CCDC171: variants seen among roughly 807,000 people sequenced by gnomAD.
The protein encoded by CCDC171 is coiled-coil domain-containing protein 171.
In CCDC171, 177 loss-of-function variants were observed where a neutral mutation model predicts 168.2. That is an observed-to-expected ratio of 1.05 (90% CI 0.93 to 1.19). CCDC171 has a LOEUF of 1.19. Ranked by LOEUF, CCDC171 falls within the 50% of genes most tolerant of loss-of-function variation. CCDC171 has a pLI of 0.00. For missense variants in CCDC171, 1,991 were observed against 1,539.0 expected (o/e 1.29, Z -4.91); for synonymous variants, 687 against 540.8 (o/e 1.27, Z -3.75).
chr9:15,610,950 C>T (rs886217396), intron 6 of CCDC171, among the ~76,000 whole-genome samples: 3 of 152,060 alleles, frequency 2.0e-5, no homozygotes, highest in African/African-American at 7.2e-5. Context: ...TGTGTCTCTG[C>T]CCAAATCTCA....
chr9:15,577,367 AT>A (rs2040753347), intron 3 of CCDC171, among the ~76,000 whole-genome samples: 1 of 152,180 alleles, frequency 6.6e-6, no homozygotes, highest in South Asian at 2.1e-4. Context: ...CAATACTGGC[AT>A]CATAGTTAAG....
At chr9:15,569,187 T>A (rs2039999120) in intron 2 of CCDC171, among the ~76,000 whole-genome samples, 1 of 152,256 alleles carries the variant, frequency 6.6e-6, no homozygotes, top group Non-Finnish European at 1.5e-5. Flanking sequence ...GGAATCCGCC[T>A]ATTTCCATGG....
chr9:15,609,958 C>G (rs565520678), intron 6 of CCDC171, among the ~76,000 whole-genome samples: 3 of 152,054 alleles, frequency 2.0e-5, no homozygotes, highest in Non-Finnish European at 4.4e-5. Context: ...CTTATCTCTT[C>G]TATTTTCCAT....
At chr9:15,598,710 C>G (rs963765295) in intron 6 of CCDC171, among the ~76,000 whole-genome samples, 8 of 152,104 alleles carry the variant, frequency 5.3e-5, no homozygotes, top group South Asian at 4.1e-4. Flanking sequence ...TCCTTGTTAA[C>G]TTTCTGTCTC....
At chr9:15,715,057 C>T (rs1304997748) in intron 11 of CCDC171, among the ~76,000 whole-genome samples, 2 of 152,184 alleles carry the variant, frequency 1.3e-5, no homozygotes, top group South Asian at 2.1e-4. Flanking sequence ...ATTCAGGGAA[C>T]CCATTTTGAT....
At chr9:15,657,887 G>C (rs908204696) in intron 8 of CCDC171, among the ~76,000 whole-genome samples, 2 of 152,128 alleles carry the variant, frequency 1.3e-5, no homozygotes, top group Non-Finnish European at 2.9e-5. Flanking sequence ...AGAGAAGTGA[G>C]AGCAGGGCAT....
intron 10 of CCDC171, among the ~76,000 whole-genome samples, chr9:15,691,887 A>G (rs1159940377): frequency 6.6e-6 from 1 of 151,948 alleles, no homozygotes; most frequent in Admixed American, 6.6e-5. Flanking sequence ...TATGTTGCCC[A>G]GGCTCACCTT....
At chr9:15,804,158 G>T (rs1244506127) in intron 21 of CCDC171, among the ~76,000 whole-genome samples, 1 of 152,010 alleles carries the variant, frequency 6.6e-6, no homozygotes, top group African/African-American at 2.4e-5. Flanking sequence ...TCTAGGTATA[G>T]AATTATGTCA....
intron 10 of CCDC171, among the ~76,000 whole-genome samples, chr9:15,689,761 C>G (rs10810428): frequency 0.48 from 72,393 of 151,838 alleles, 17,677 homozygotes; most frequent in East Asian, 0.76. Flanking sequence ...GAGAAAGAAC[C>G]ATAAAGTTGG....
At chr9:15,631,483 CCT>C (rs1564092835) in intron 7 of CCDC171, among the ~76,000 whole-genome samples, 2 of 152,172 alleles carry the variant, frequency 1.3e-5, no homozygotes, top group African/African-American at 4.8e-5. Context: ...AAGAAGTTGA[CCT>C]TCTGAATAGA....
intron 18 of CCDC171, among the ~76,000 whole-genome samples, chr9:15,766,698 C>G (rs1018786810): frequency 3.3e-5 from 5 of 151,880 alleles, no homozygotes; most frequent in Non-Finnish European, 7.4e-5. Context: ...CTCTGTCACC[C>G]AGGCTGGAGT....
chr9:15,603,119 C>T (rs1244897545), intron 6 of CCDC171, among the ~76,000 whole-genome samples: 1 of 151,692 alleles, frequency 6.6e-6, no homozygotes, highest in Non-Finnish European at 1.5e-5. Context: ...GTGGCTGGGC[C>T]TACAGGCGCC....
intron 7 of CCDC171, among the ~76,000 whole-genome samples, chr9:15,651,824 AGTT>A (rs1042684834): frequency 3.3e-5 from 5 of 151,584 alleles, no homozygotes; most frequent in Non-Finnish European, 7.4e-5. Flanking sequence ...ATTTCTATGA[AGTT>A]GTTTGTTTGT....
intron 21 of CCDC171, among the ~76,000 whole-genome samples, chr9:15,832,613 G>A (rs561096518): frequency 6.6e-6 from 1 of 152,166 alleles, no homozygotes; most frequent in African/African-American, 2.4e-5. Context: ...ATATACCTAT[G>A]TAGGGCACTT....
intron 7 of CCDC171, among the ~76,000 whole-genome samples, chr9:15,649,999 C>G (rs1278756278): frequency 6.6e-6 from 1 of 152,090 alleles, no homozygotes; most frequent in Non-Finnish European, 1.5e-5. Context: ...GGAACCAACC[C>G]AAATGTCCAA....
At chr9:15,994,515 C>T (rs118069002) in intron 3 of CCDC171, among the ~76,000 whole-genome samples, 2 of 152,312 alleles carry the variant, frequency 1.3e-5, no homozygotes, top group East Asian at 3.9e-4. Context: ...AACATGCCAA[C>T]ATGGCACACG....
intron 8 of CCDC171, among the ~76,000 whole-genome samples, chr9:15,657,636 C>G (rs752887658): frequency 8.5e-5 from 13 of 152,116 alleles, no homozygotes; most frequent in Non-Finnish European, 1.9e-4. Context: ...CTATGCATAT[C>G]ACTGTATTAA....
At chr9:15,870,842 T>C (rs1164928928) in intron 23 of CCDC171, among the ~76,000 whole-genome samples, 2 of 151,488 alleles carry the variant, frequency 1.3e-5, no homozygotes, top group African/African-American at 4.8e-5. Flanking sequence ...CATTGTTTAC[T>C]TGTGAGTAAA....
At chr9:16,009,750 T>G (rs1832811604) in intron 3 of CCDC171, among the ~76,000 whole-genome samples, 1 of 152,196 alleles carries the variant, frequency 6.6e-6, no homozygotes, top group African/African-American at 2.4e-5. Context: ...GATAAACTTC[T>G]GAGTTATTTA....
Sources: allele counts gnomAD v4.1 joint callset (sites outside exome capture counted in the v4.1 genomes callset), GRCh38; gene constraint gnomAD v4.1.1; transcripts MANE v1.5; gene names NCBI Gene and HGNC (gene_info 2026-07-23, HGNC 2026-07-21).